Variants in FUT4 observed in about 807,000 individuals in gnomAD.
FUT4 encodes fucosyltransferase 4, also known as alpha-(1,3)-fucosyltransferase 4.
In FUT4, 1 loss-of-function variant was observed where a neutral mutation model predicts 3.8. The observed-to-expected ratio is 0.26, with a 90% confidence interval of 0.09 to 1.25. The LOEUF (loss-of-function observed/expected upper bound fraction) is 1.25. FUT4 is among the 50% of genes most tolerant of loss of function. The pLI, the probability that FUT4 is intolerant of heterozygous loss-of-function variation, is 0.47. For synonymous variants in FUT4, 417 were observed against 355.3 expected (o/e 1.17, Z -1.95); for missense variants, 880 against 768.2 (o/e 1.15, Z -1.72).
rs771438475 is a variant in FUT4 at position 94,545,738 on chromosome 11, C to G, written c.*12C>G. On this transcript the variant is annotated 3_prime_UTR_variant, in exon 1 of 1. Coordinates refer to ENST00000358752, the MANE Select transcript of FUT4 (RefSeq NM_002033.4). ...GGTTCGAGCGGTGAAGCCGCGCTCC[C>G]CTGGAAGCGACCCAGGGGAGGCCAA... The G allele has an allele frequency of 2.5e-6, 4 of 1,606,122 alleles. No individual in the cohort carries two copies. Among genetic ancestry groups the G allele is most frequent in the Non-Finnish European group, 3.4e-6 (4 of 1,176,966 alleles).
At position 94,545,118 on chromosome 11, in the gene FUT4, C is replaced by G; in HGVS notation, c.985C>G (p.Pro329Ala). The change falls in exon 1 of 1, where the codon CCT becomes GCT. Residue 329 changes from proline (P) to alanine (A), a missense_variant. Physicochemically the swap from Pro to Ala is conservative, Grantham distance 27. Around this residue, in one of 3 missense-constraint regions of FUT4, gnomAD observed 424 missense variants for 400.4 expected, o/e 1.06. Transcript: ENST00000358752. ...SYRADSDVFV[P>A]YGYLYPRSHP... is the part of the protein sequence containing the mutation. ...CCGGGCGGACTCGGACGTCTTTGTG[C>G]CTTATGGCTACCTCTACCCCAGAAG... The G allele has an allele frequency of 1.2e-6, 2 of 1,612,612 alleles. No homozygotes were observed. The highest frequency in any genetic ancestry group is 1.7e-6 in the Non-Finnish European group (2 of 1,179,852).
rs1434758061 is a variant in FUT4, at chr11:94,545,827, T to C, written c.*101T>C. On this transcript the variant is annotated 3_prime_UTR_variant, in exon 1 of 1. Coordinates refer to ENST00000358752, the MANE Select transcript of FUT4 (RefSeq NM_002033.4). ...ACTGCCGCATCATGGGAGTAAGTTC[T>C]TCAAACACCCATTTTTGCTCTATGG... 1 of 1,353,836 alleles carries C rather than the reference T, an allele frequency of 7.4e-7. No individual in the cohort carries two copies. Among genetic ancestry groups the C allele is most frequent in the African/African-American group, 1.4e-5 (1 of 69,434 alleles). 83.9% of individuals were successfully genotyped at this position (1,353,836 alleles called of 1,614,324 possible).
At position 94,546,084 on chromosome 11, in the gene FUT4, T is replaced by C; in HGVS notation, c.*358T>C. The C allele has an allele frequency of 7.7e-6, 3 of 391,652 alleles. No individual in the cohort carries two copies. Among genetic ancestry groups the C allele is most frequent in the Non-Finnish European group, 1.0e-5 (2 of 195,422 alleles). The allele number at this position is 391,652 out of a possible 1,614,324, so 24.3% of individuals were successfully genotyped here. The stretch of plus-strand genomic sequence containing the variant: ...TTTCCCCATCTGCCACAGGCCATAT[T>C]TGTGGCCCGTGCAGCTTCCAAATCT... On this transcript the variant is annotated 3_prime_UTR_variant, in exon 1 of 1. Coordinates refer to ENST00000358752, the MANE Select transcript of FUT4 (RefSeq NM_002033.4).
At position 94,543,971 on chromosome 11, in the gene FUT4, G is replaced by A. The variant is rs555722992; in HGVS notation, c.-163G>A. On this transcript the variant is annotated 5_prime_UTR_variant, in exon 1 of 1. Transcript: ENST00000358752. ...CGTCTGTTCTAGGGCCTGCTCCTGC[G>A]CGGCAGCTGCTTTAGAAGGTCTCGA... 35 of 979,944 alleles carry A rather than the reference G, an allele frequency of 3.6e-5. 3 individuals are homozygous for A. In the South Asian group the frequency reaches 1.4e-3, roughly 38 times the overall value. The allele number at this position is 979,944 out of a possible 1,614,324, so 60.7% of individuals were successfully genotyped here.
In FUT4 at chr11:94,544,302, C is replaced by A; in HGVS notation, c.169C>A (p.Leu57Ile). ...CGGTTGGGCGTCCTGGCCAGCTCAC[C>A]TTGCCCTGGCGGCTCGCCCCGCCCG... is the stretch of plus-strand genomic sequence containing the variant. ...VPGWASWPAHLALAARPARHL... is the reference protein window; with the variant it reads ...VPGWASWPAHIALAARPARHL... Residue 57 changes from leucine (L) to isoleucine (I), a missense_variant, in exon 1 of 1, where the codon CTT becomes ATT. Transcript: ENST00000358752. The A allele has an allele frequency of 1.3e-6, 2 of 1,564,254 alleles. No individual in the cohort carries two copies. Among genetic ancestry groups the A allele is most frequent in the East Asian group, 2.5e-5 (1 of 39,448 alleles).
chr11:94,545,799 T>G lies in FUT4; in HGVS notation c.*73T>G. On this transcript the variant is annotated 3_prime_UTR_variant, in exon 1 of 1. Coordinates refer to ENST00000358752, the MANE Select transcript of FUT4 (RefSeq NM_002033.4). ...TTTTGATCCTCTACTGTGCATCTCC[T>G]TGACTGCCGCATCATGGGAGTAAGT... is the stretch of plus-strand genomic sequence containing the variant. 1.3e-6 allele frequency: 2 copies of G among 1,507,330 alleles called. No homozygotes were observed. Among genetic ancestry groups the G allele is most frequent in the East Asian group, 4.9e-5 (2 of 41,048 alleles). The allele number at this position is 1,507,330 out of a possible 1,614,324, so 93.4% of individuals were successfully genotyped here.
In FUT4 at chr11:94,548,064, T is replaced by A. The variant is rs1367263764; in HGVS notation, c.*2338T>A. The A allele has an allele frequency of 6.0e-6, 1 of 166,890 alleles. No individual in the cohort carries two copies. Among genetic ancestry groups the A allele is most frequent in the Admixed American group, 6.5e-5 (1 of 15,286 alleles). 10.3% of individuals were successfully genotyped at this position (166,890 alleles called of 1,614,324 possible). On this transcript the variant is annotated 3_prime_UTR_variant, in exon 1 of 1. Coordinates refer to ENST00000358752, the MANE Select transcript of FUT4 (RefSeq NM_002033.4). ...GGATAATCTAAATCACCATTTAGAT[T>A]AAGCTTGACTTGCAAACTAGGAAGA...
At position 94,549,365 on chromosome 11, in the gene FUT4, A is replaced by G. The variant is rs1254862142; in HGVS notation, c.*3639A>G. The G allele has an allele frequency of 1.2e-5, 2 of 167,150 alleles. No homozygotes were observed. Among genetic ancestry groups the G allele is most frequent in the African/African-American group, 4.8e-5 (2 of 41,472 alleles). 10.4% of individuals were successfully genotyped at this position (167,150 alleles called of 1,614,324 possible). A position where few individuals can be genotyped will look rare whatever the true frequency, so the allele number is the denominator to read the frequency against. Reference sequence around the variant, plus strand: ...GGTCCAGGCCCACTGAAGGACTTGCATAACATTACAATAGCAGTGGCAGAA... The same window carrying G: ...GGTCCAGGCCCACTGAAGGACTTGCGTAACATTACAATAGCAGTGGCAGAA... On this transcript the variant is annotated 3_prime_UTR_variant, in exon 1 of 1. Coordinates refer to ENST00000358752, the MANE Select transcript of FUT4 (RefSeq NM_002033.4).
chr11:94,545,793 A>G lies in FUT4; in HGVS notation c.*67A>G. On this transcript the variant is annotated 3_prime_UTR_variant, in exon 1 of 1. Transcript: ENST00000358752. ...TCAGCTTTTTGATCCTCTACTGTGC[A>G]TCTCCTTGACTGCCGCATCATGGGA... 1 of 1,533,032 alleles carries G rather than the reference A, an allele frequency of 6.5e-7. No homozygotes were observed. 95.0% of individuals were successfully genotyped at this position (1,533,032 alleles called of 1,614,324 possible). A position where few individuals can be genotyped will look rare whatever the true frequency, so the allele number is the denominator to read the frequency against.
Position 94,544,820 on chromosome 11 carries a change from C to T in FUT4, c.687C>T (p.Tyr229=). 6.2e-7 allele frequency: 1 copy of T among 1,601,650 alleles called. No homozygotes were observed. The highest frequency in any genetic ancestry group is 1.1e-5 in the South Asian group (1 of 90,896). Residue 229 remains tyrosine, a synonymous_variant, in exon 1 of 1, where the codon TAC becomes TAT. Coordinates refer to ENST00000358752, the MANE Select transcript of FUT4 (RefSeq NM_002033.4). ...GCCTGCTCACCGACCGCGCGTCCTACGGAGAGGCTCAGGCCGTGCTTTTCC... is the reference window on the plus strand; with the variant it reads ...GCCTGCTCACCGACCGCGCGTCCTATGGAGAGGCTCAGGCCGTGCTTTTCC... ...GCRLLTDRAS[Y]GEAQAVLFHH... is the part of the protein sequence containing the mutation.
chr11:94,545,794 T>C lies in FUT4; in HGVS notation c.*68T>C, dbSNP rs935638006. The C allele has an allele frequency of 2.0e-6, 3 of 1,520,166 alleles. No homozygotes were observed. The highest frequency in any genetic ancestry group is 2.7e-6 in the Non-Finnish European group (3 of 1,117,106). 94.2% of individuals were successfully genotyped at this position (1,520,166 alleles called of 1,614,324 possible). A position where few individuals can be genotyped will look rare whatever the true frequency, so the allele number is the denominator to read the frequency against. ...CAGCTTTTTGATCCTCTACTGTGCA[T>C]CTCCTTGACTGCCGCATCATGGGAG... On this transcript the variant is annotated 3_prime_UTR_variant, in exon 1 of 1. Coordinates refer to ENST00000358752, the MANE Select transcript of FUT4 (RefSeq NM_002033.4).
rs772156222 is a variant in FUT4 at position 94,544,724 on chromosome 11, C to T, written c.591C>T (p.Pro197=). The change falls in exon 1 of 1, where the codon CCC becomes CCT. Residue 197 remains proline, a synonymous_variant. Transcript: ENST00000358752. The part of the protein sequence containing the change: ...RPVGVLLWWE[P]FGGRDSAPRP... The stretch of plus-strand genomic sequence containing the variant: ...TGGGCGTGCTGCTGTGGTGGGAGCC[C>T]TTCGGGGGGCGCGATAGCGCCCCGA... The T allele has an allele frequency of 6.4e-7, 1 of 1,556,044 alleles. No homozygotes were observed. Among genetic ancestry groups the T allele is most frequent in the South Asian group, 1.2e-5 (1 of 86,568 alleles).
At position 94,546,561 on chromosome 11, in the gene FUT4, C is replaced by G. The variant is rs994560520; in HGVS notation, c.*835C>G. 4.2e-5 allele frequency: 7 copies of G among 166,822 alleles called. No individual in the cohort carries two copies. Among genetic ancestry groups the G allele is most frequent in the Admixed American group, 3.3e-4 (5 of 15,282 alleles). The allele number at this position is 166,822 out of a possible 1,614,324, so 10.3% of individuals were successfully genotyped here. A position where few individuals can be genotyped will look rare whatever the true frequency, so the allele number is the denominator to read the frequency against. ...CTTCTGTCTTTATGTTTTTCTATAA[C>G]CTGGATTTTTTAAATCATATTAAAA... On this transcript the variant is annotated 3_prime_UTR_variant, in exon 1 of 1. Transcript: ENST00000358752.
Position 94,549,865 on chromosome 11 carries a change from G to C in FUT4, c.*4139G>C, listed in dbSNP as rs1398604358. 6.1e-6 allele frequency: 1 copy of C among 165,280 alleles called. No homozygotes were observed. The highest frequency in any genetic ancestry group is 2.1e-4 in the South Asian group (1 of 4,820). 10.2% of individuals were successfully genotyped at this position (165,280 alleles called of 1,614,324 possible). On this transcript the variant is annotated 3_prime_UTR_variant, in exon 1 of 1. Coordinates refer to ENST00000358752, the MANE Select transcript of FUT4 (RefSeq NM_002033.4). ...TTATGTACACATGTTCAGATTTTTT[G>C]ACAAAATGATTAAAATAATGAGATG...
Position 94,544,213 on chromosome 11 carries a change from C to T in FUT4, c.80C>T (p.Ala27Val). The T allele has an allele frequency of 7.7e-6, 11 of 1,435,690 alleles. No homozygotes were observed. The highest frequency in any genetic ancestry group is 9.1e-6 in the Non-Finnish European group (10 of 1,099,146). The allele number at this position is 1,435,690 out of a possible 1,614,324, so 88.9% of individuals were successfully genotyped here. The part of the protein sequence containing the change: ...EKEWAEAPQE[A>V]PGAWSGRLGP... Reference sequence around the variant, plus strand: ...GAGTGGGCGGAGGCGCCGCAGGAGGCTCCCGGGGCCTGGTCGGGCCGGCTG... The same window carrying T: ...GAGTGGGCGGAGGCGCCGCAGGAGGTTCCCGGGGCCTGGTCGGGCCGGCTG... The change falls in exon 1 of 1, where the codon GCT (alanine) becomes GTT (valine). Residue 27 changes from alanine (A) to valine (V), a missense_variant. By Grantham distance (64) the Ala-to-Val change is moderately conservative (BLOSUM62 0). Transcript: ENST00000358752.
At position 94,544,359 on chromosome 11, in the gene FUT4, C is replaced by A. The variant is rs1216959772; in HGVS notation, c.226C>A (p.Pro76Thr). 1.0e-5 allele frequency: 16 copies of A among 1,546,626 alleles called. No individual in the cohort carries two copies. Among genetic ancestry groups the A allele is most frequent in the Non-Finnish European group, 1.3e-5 (15 of 1,154,138 alleles). ...GGGAGGAGCAGGGCAGGGCCCGCGGCCTTTGCATTCTGGGACCGCCCCCTT... is the reference window on the plus strand; with the variant it reads ...GGGAGGAGCAGGGCAGGGCCCGCGGACTTTGCATTCTGGGACCGCCCCCTT... ...HLGGAGQGPR[P>T]LHSGTAPFHS... Residue 76 changes from proline (P) to threonine (T), a missense_variant, in exon 1 of 1, where the codon CCT becomes ACT. Transcript: ENST00000358752.
chr11:94,547,929 A>G lies in FUT4; in HGVS notation c.*2203A>G, dbSNP rs1037590079. 5 of 167,024 alleles carry G rather than the reference A, an allele frequency of 3.0e-5. No homozygotes were observed. Among genetic ancestry groups the G allele is most frequent in the Non-Finnish European group, 7.3e-5 (5 of 68,116 alleles). The allele number at this position is 167,024 out of a possible 1,614,324, so 10.3% of individuals were successfully genotyped here. A position where few individuals can be genotyped will look rare whatever the true frequency, so the allele number is the denominator to read the frequency against. ...AAGTACCTAAAATAGCAGGCACCCAATTGATGATTTTATATCTTCCTTCTT... is the reference window on the plus strand; with the variant it reads ...AAGTACCTAAAATAGCAGGCACCCAGTTGATGATTTTATATCTTCCTTCTT... On this transcript the variant is annotated 3_prime_UTR_variant, in exon 1 of 1. Transcript: ENST00000358752.
rs142877244 is a variant in FUT4 at position 94,545,681 on chromosome 11, C to A, written c.1548C>A (p.Asp516Glu). 1.2e-6 allele frequency: 2 copies of A among 1,612,022 alleles called. No homozygotes were observed. The highest frequency in any genetic ancestry group is 2.7e-5 in the African/African-American group (2 of 74,950). Reference protein sequence around the residue: ...RVCQAVQRAGDRPKSIRNLAS... With the variant: ...RVCQAVQRAGERPKSIRNLAS... ...GCCAGGCTGTACAGAGGGCTGGGGA[C>A]CGGCCCAAGAGCATACGGAACTTGG... The change falls in exon 1 of 1, where the codon GAC becomes GAA. Residue 516 changes from aspartate to glutamate, a missense_variant. Asp to Glu is a conservative substitution (Grantham distance 45). Transcript: ENST00000358752.
At position 94,544,414 on chromosome 11, in the gene FUT4, G is replaced by A. The variant is rs1275542774; in HGVS notation, c.281G>A (p.Arg94Gln). The A allele has an allele frequency of 6.5e-6, 10 of 1,526,888 alleles. No individual in the cohort carries two copies. The highest frequency in any genetic ancestry group is 3.9e-5 in the Admixed American group (2 of 51,330). 94.6% of individuals were successfully genotyped at this position (1,526,888 alleles called of 1,614,324 possible). ...TCCCGGGCCAGCGGCGAGCGGCAGC[G>A]ACGGCTGGAGCCGCAGCTACAGCAT... ...FHSRASGERQ[R>Q]RLEPQLQHES... The change falls in exon 1 of 1, where the codon CGA (arginine) becomes CAA (glutamine). Residue 94 changes from arginine to glutamine, a missense_variant. Transcript: ENST00000358752.
Sources: gnomAD v4.1 joint callset for allele counts on GRCh38, gnomAD v4.1.1 for gene constraint, gnomAD v4.1.1 regional missense constraint, MANE v1.5 for transcripts, NCBI Gene and HGNC (gene_info 2026-07-23, HGNC 2026-07-21) for gene names.